The following KLRG1 variants were observed in gnomAD, a reference collection of about 807,000 sequenced individuals.
KLRG1 encodes the protein killer cell lectin like receptor G1, also known as killer cell lectin-like receptor subfamily G member 1.
KLRG1 carries 16 observed loss-of-function variants against 21.8 expected under a neutral mutation model. The ratio of observed to expected loss-of-function variants is 0.73; its 90% CI spans 0.50 to 1.11. KLRG1 has a LOEUF of 1.11. KLRG1 is among the 50% of genes most tolerant of loss of function. KLRG1 has a pLI of 0.00. For missense variants in KLRG1, 173 were observed against 218.3 expected, an observed-to-expected ratio of 0.79 and a Z score of 1.31; for synonymous variants, 69 against 75.9, an observed-to-expected ratio of 0.91 and a Z score of 0.47.
chr12:9,012,891 T>C (rs1358995184), downstream of KLRG1, among the ~76,000 whole-genome samples: 1 of 152,092 alleles, frequency 6.6e-6, no homozygotes, highest in African/African-American at 2.4e-5. Flanking sequence ...ACCACAAGCC[T>C]TGGGCGAGAC....
chr12:8,958,821 C>A (rs1946337213), intron 1 of KLRG1, among the ~76,000 whole-genome samples: 1 of 149,080 alleles, frequency 6.7e-6, no homozygotes, highest in Admixed American at 6.7e-5. Context: ...TGCACCACTG[C>A]ACTCCAGCCT....
chr12:9,017,005 C>T, the KLRG1 span, among the ~76,000 whole-genome samples: 121,131 of 151,910 alleles, frequency 0.8, 48,770 homozygotes, highest in African/African-American at 0.85. Flanking sequence ...CAAAGACACA[C>T]TTTAAAAAAT....
the KLRG1 span, among the ~76,000 whole-genome samples, chr12:9,037,935 A>T: frequency 5.9e-5 from 9 of 152,340 alleles, no homozygotes; most frequent in South Asian, 6.2e-4. Context: ...GGTTACGTTT[A>T]TCAGAACATA....
intron 1 of KLRG1, among the ~76,000 whole-genome samples, chr12:8,954,048 T>C (rs1290057452): frequency 6.6e-6 from 1 of 152,188 alleles, no homozygotes; most frequent in Non-Finnish European, 1.5e-5. Context: ...GTGCCTCCTT[T>C]ATCCTTTTGA....
the KLRG1 span, among the ~76,000 whole-genome samples, chr12:9,071,521 C>G: frequency 6.6e-6 from 1 of 152,052 alleles, no homozygotes; most frequent in Non-Finnish European, 1.5e-5. Context: ...GTTTGGTGTA[C>G]AGATTACTTT....
the KLRG1 span, among the ~76,000 whole-genome samples, chr12:9,126,441 G>C: frequency 6.6e-6 from 1 of 152,156 alleles, no homozygotes; most frequent in African/African-American, 2.4e-5. Flanking sequence ...TTCTTCTGTG[G>C]CTCATTTTAT....
At chr12:9,156,644 C>T in the KLRG1 span, among the ~76,000 whole-genome samples, 7 of 152,310 alleles carry the variant, frequency 4.6e-5, no homozygotes, top group East Asian at 1.3e-3. Flanking sequence ...AGAAATAAAA[C>T]TGCATTATTT....
the KLRG1 span, among the ~76,000 whole-genome samples, chr12:9,059,477 C>T: frequency 1.3e-5 from 2 of 152,110 alleles, no homozygotes; most frequent in Non-Finnish European, 2.9e-5. Flanking sequence ...ATCCAAACAC[C>T]TAGCACCTAT....
downstream of KLRG1, among the ~76,000 whole-genome samples, chr12:9,014,861 G>T (rs960542231): frequency 6.6e-6 from 1 of 152,004 alleles, no homozygotes; most frequent in Non-Finnish European, 1.5e-5. Flanking sequence ...AAAAGTGGTG[G>T]CATGAAGTTA....
chr12:9,191,630 CTTAGT>C, the KLRG1 span, among the ~76,000 whole-genome samples: 1 of 151,908 alleles, frequency 6.6e-6, no homozygotes, highest in East Asian at 1.9e-4. Context: ...AAATGTTTCC[CTTAGT>C]TTAGGTTAAT....
chr12:9,026,561 T>A, the KLRG1 span, among the ~76,000 whole-genome samples: 1 of 152,206 alleles, frequency 6.6e-6, no homozygotes, highest in South Asian at 2.1e-4. Flanking sequence ...TGTCATCATT[T>A]GTGCTTTCCA....
At chr12:9,160,051 C>T in the KLRG1 span, 13 of 1,589,012 alleles carry the variant, frequency 8.2e-6, no homozygotes, top group Non-Finnish European at 1.1e-5. Context: ...TCAGATTGTT[C>T]ATGAAGCATT....
chr12:9,194,930 C>T, the KLRG1 span, among the ~76,000 whole-genome samples: 5 of 152,132 alleles, frequency 3.3e-5, no homozygotes, highest in East Asian at 1.9e-4. Context: ...TACTTCTCTG[C>T]GCTTCAGTTT....
chr12:9,054,988 C>T, the KLRG1 span, among the ~76,000 whole-genome samples: 4 of 152,124 alleles, frequency 2.6e-5, no homozygotes, highest in African/African-American at 9.7e-5. Context: ...ACTTCTGGTC[C>T]CAAGTATTTT....
At chr12:9,198,477 C>T in the KLRG1 span, among the ~76,000 whole-genome samples, 2 of 152,072 alleles carry the variant, frequency 1.3e-5, no homozygotes, top group Non-Finnish European at 2.9e-5. Context: ...AAAATAAGTA[C>T]ATAATAACTA....
At chr12:9,112,312 G>C in the KLRG1 span, 2 of 1,601,698 alleles carry the variant, frequency 1.2e-6, no homozygotes, top group South Asian at 2.2e-5. Context: ...ACTTTGCCTG[G>C]GGAACATCCA....
chr12:9,083,769 A>G, the KLRG1 span, among the ~76,000 whole-genome samples: 2 of 150,938 alleles, frequency 1.3e-5, no homozygotes, highest in Non-Finnish European at 3.0e-5. Flanking sequence ...AAAAAAAAGC[A>G]GTAAGGGCTG....
Position 9,008,995 on chromosome 12 carries a change from C to T in KLRG1, c.378C>T (p.Leu126=), listed in dbSNP as rs1240238415. The T allele has an allele frequency of 6.2e-7, 1 of 1,613,626 alleles. No individual in the cohort carries two copies. The highest frequency in any genetic ancestry group is 1.3e-5 in the African/African-American group (1 of 74,872). The part of the protein sequence containing the change: ...NQEMSLLQVF[L]SEAFCWIGLR... ...CTTAGAGCCTGCTCCAAGTTTTCCT[C>T]AGTGAGGCCTTTTGCTGGATTGGTC... The change falls in exon 4 of 5, where the codon CTC becomes CTT. Residue 126 remains leucine (L), a synonymous_variant. Coordinates refer to ENST00000356986, the MANE Select transcript of KLRG1 (RefSeq NM_005810.4).
the KLRG1 span, among the ~76,000 whole-genome samples, chr12:9,185,816 T>TTTCTTTTCTTTTCTTTTC: frequency 6.8e-6 from 1 of 147,776 alleles, no homozygotes; most frequent in African/African-American, 2.5e-5. Flanking sequence ...TTTCTTTTCT[T>TTTCTTTTCTTTTCTTTTC]TTTTTTTTTC....
Sources: gnomAD v4.1 joint callset for allele counts (sites outside exome capture counted in the v4.1 genomes callset) on GRCh38, gnomAD v4.1.1 for gene constraint, MANE v1.5 for transcripts, NCBI Gene and HGNC (gene_info 2026-07-23, HGNC 2026-07-21) for gene names.